Variants in SMG6 observed in about 807,000 individuals in gnomAD.
The protein encoded by SMG6 is SMG6 nonsense mediated mRNA decay factor, also known as telomerase-binding protein EST1A.
A neutral mutation model predicts 142.2 loss-of-function variants in SMG6; 66 were observed. The observed-to-expected ratio is 0.46, with a 90% CI of 0.38 to 0.57. SMG6 has a LOEUF of 0.57. SMG6 is among the 20% of genes least tolerant of loss of function. The pLI is 0.00. For missense variants in SMG6, 1,793 were observed against 1,832.0 expected, an observed-to-expected ratio of 0.98 and a Z score of 0.39; for synonymous variants, 779 against 702.4, an observed-to-expected ratio of 1.11 and a Z score of -1.72.
chr17:2,183,908 C>T (rs1190126564), intron 12 of SMG6, among the ~76,000 whole-genome samples: 1 of 152,064 alleles, frequency 6.6e-6, no homozygotes, highest in African/African-American at 2.4e-5. Context: ...TACAGGAAGA[C>T]CCACATACAC....
At chr17:2,134,608 G>C (rs911557171) in intron 13 of SMG6, among the ~76,000 whole-genome samples, 3 of 151,984 alleles carry the variant, frequency 2.0e-5, no homozygotes, top group African/African-American at 7.2e-5. Context: ...CACTTTTTAA[G>C]AAGTCTATGA....
At chr17:2,099,379 C>T (rs1017809753) in intron 13 of SMG6, among the ~76,000 whole-genome samples, 7 of 151,902 alleles carry the variant, frequency 4.6e-5, no homozygotes, top group Non-Finnish European at 1.5e-5. Flanking sequence ...GAAGAAGCCA[C>T]GCTCTGGGCA....
chr17:2,220,068 T>C (rs2073131048), intron 10 of SMG6, among the ~76,000 whole-genome samples: 1 of 152,080 alleles, frequency 6.6e-6, no homozygotes. Context: ...ACTACAGACA[T>C]GTACCACCAC....
intron 13 of SMG6, among the ~76,000 whole-genome samples, chr17:2,114,906 A>AAAAATAAAATAAAATAAAATAAAAT (rs71375589): frequency 3.5e-4 from 22 of 61,986 alleles, no homozygotes; most frequent in African/African-American, 2.0e-3. Context: ...CAGCCTGGGC[A>AAAAATAAAATAAAATAAAATAAAAT]AAAATAAAAT....
At chr17:2,216,395 G>C (rs557860491) in intron 10 of SMG6, among the ~76,000 whole-genome samples, 1 of 152,178 alleles carries the variant, frequency 6.6e-6, no homozygotes, top group African/African-American at 2.4e-5. Context: ...GATTTAAACC[G>C]TGATTTCTCA....
intron 15 of SMG6, among the ~76,000 whole-genome samples, chr17:2,080,998 C>G (rs900402319): frequency 6.6e-6 from 1 of 152,302 alleles, no homozygotes; most frequent in African/African-American, 2.4e-5. Flanking sequence ...CCCCATGTTA[C>G]AAAGCTATTT....
At chr17:2,223,667 C>T (rs1219569080) in intron 10 of SMG6, among the ~76,000 whole-genome samples, 1 of 152,218 alleles carries the variant, frequency 6.6e-6, no homozygotes, top group Admixed American at 6.5e-5. Flanking sequence ...CCTATCACTT[C>T]AGCTGCAGCC....
At chr17:2,257,087 C>CT (rs561017088) in intron 8 of SMG6, among the ~76,000 whole-genome samples, 16,625 of 134,708 alleles carry the variant, frequency 0.12, 1,205 homozygotes, top group African/African-American at 0.19. Context: ...GGGATTCTTC[C>CT]TTTTTTTTTT....
At chr17:2,084,889 A>G (rs2068514448) in intron 14 of SMG6, among the ~76,000 whole-genome samples, 1 of 152,228 alleles carries the variant, frequency 6.6e-6, no homozygotes, top group South Asian at 2.1e-4. Context: ...TGGAAGTGAT[A>G]CTAAATGCAT....
intron 9 of SMG6, among the ~76,000 whole-genome samples, chr17:2,239,570 A>G (rs566044690): frequency 6.6e-6 from 1 of 152,290 alleles, no homozygotes; most frequent in African/African-American, 2.4e-5. Flanking sequence ...CAATAGAAAA[A>G]AAGTGTGTAT....
chr17:2,194,764 G>T (rs1034755734), intron 10 of SMG6, among the ~76,000 whole-genome samples: 3 of 152,102 alleles, frequency 2.0e-5, no homozygotes. Flanking sequence ...TGCTGTTGAG[G>T]GGGTACGTAG....
Position 2,299,884 on chromosome 17 carries a change from G to A in SMG6, c.869C>T (p.Pro290Leu). The change falls in exon 2 of 19, where the codon CCA (proline) becomes CTA (leucine). Residue 290 changes from proline (P) to leucine (L), a missense_variant. Pro to Leu is a moderately conservative substitution (Grantham distance 98). Around this residue, in one of 3 missense-constraint regions of SMG6, gnomAD observed 1,597 missense variants for 1,584.6 expected, o/e 1.01. Transcript: ENST00000263073. This position sits in a 1 kb window ranked among gnomAD's most constrained non-coding sequence, Gnocchi z 4.3. ...CACAGACACTTGCTTCTTCAGTCGT[G>A]GCCTCTCCTTGGTCCTATCCTGTCG... ...RRRQDRTKER[P>L]RLKKQVSVSS... 1 of 1,614,066 alleles carries A rather than the reference G, an allele frequency of 6.2e-7. No homozygotes were observed. Among genetic ancestry groups the A allele is most frequent in the Non-Finnish European group, 8.5e-7 (1 of 1,179,976 alleles).
chr17:2,283,535 G>T, intron 7 of SMG6, 90 bp downstream of exon 7: 1 of 1,030,852 alleles, frequency 9.7e-7, no homozygotes, highest in Non-Finnish European at 1.5e-6. Flanking sequence ...CACTGGCTAC[G>T]ATCCTGCCGG....
At chr17:2,292,723 A>T (rs1482317387) in intron 5 of SMG6, 93 bp from the exon 6 acceptor site, 4 of 1,514,742 alleles carry the variant, frequency 2.6e-6, no homozygotes, top group Non-Finnish European at 3.7e-6. Flanking sequence ...CATAAGGTAG[A>T]GTGTTAGATG....
At chr17:2,300,885 C>CT (rs1021781050) in intron 1 of SMG6, among the ~76,000 whole-genome samples, 14 of 152,346 alleles carry the variant, frequency 9.2e-5, no homozygotes, top group Admixed American at 3.9e-4. Context: ...AAGGACCTAA[C>CT]TGTGTTGGGG....
chr17:2,141,746 G>A (rs930509070), intron 13 of SMG6, among the ~76,000 whole-genome samples: 3 of 152,156 alleles, frequency 2.0e-5, no homozygotes, highest in Non-Finnish European at 2.9e-5. Context: ...CTCAGCCTGA[G>A]GAGGAACTTT....
intron 16 of SMG6, among the ~76,000 whole-genome samples, chr17:2,066,652 T>TACATAC (rs2067958342): frequency 8.4e-6 from 1 of 119,490 alleles, no homozygotes; most frequent in Non-Finnish European, 1.7e-5. Context: ...CATGTGGGAA[T>TACATAC]ACACACACAC....
chr17:2,163,912 A>C (rs1200635347), intron 13 of SMG6, among the ~76,000 whole-genome samples: 1 of 151,836 alleles, frequency 6.6e-6, no homozygotes, highest in African/African-American at 2.4e-5. Context: ...AAAATACAAA[A>C]ATTAGCCGGT....
chr17:2,225,712 G>T (rs976873933), intron 10 of SMG6, among the ~76,000 whole-genome samples: 3 of 152,164 alleles, frequency 2.0e-5, no homozygotes, highest in South Asian at 2.1e-4. Flanking sequence ...TTTAAGAGGA[G>T]AATGGAAATC....
Sources: gnomAD v4.1 joint callset for allele counts (sites outside exome capture counted in the v4.1 genomes callset) on GRCh38, gnomAD v4.1.1 for gene constraint, gnomAD v4.1.1 regional missense constraint, Gnocchi (gnomAD v3.1) non-coding constraint, MANE v1.5 for transcripts, NCBI Gene and HGNC (gene_info 2026-07-23, HGNC 2026-07-21) for gene names.